SYNPO2: variants seen among roughly 807,000 people sequenced by gnomAD.
The protein encoded by SYNPO2 is synaptopodin 2.
A neutral mutation model predicts 85.0 loss-of-function variants in SYNPO2; 56 were observed. That is an observed-to-expected ratio of 0.66 (90% CI 0.53 to 0.82). The LOEUF is 0.82. SYNPO2 is among the 40% of genes least tolerant of loss of function. The pLI is 0.00. For missense variants in SYNPO2, 1,575 were observed against 1,534.2 expected (o/e 1.03, Z -0.44); for synonymous variants, 602 against 591.1 (o/e 1.02, Z -0.27).
chr4:118,953,297 T>C (rs1734758062), intron 1 of SYNPO2, among the ~76,000 whole-genome samples: 1 of 152,178 alleles, frequency 6.6e-6, no homozygotes, highest in Admixed American at 6.6e-5. Context: ...CACCATTGTT[T>C]TCATGGTTTT....
rs191043750 is a variant in SYNPO2 at position 118,947,149 on chromosome 4, A to G, written c.105+58008A>G. 1.4e-3 allele frequency among the ~76,000 whole-genome samples: 209 copies of G among 152,350 alleles called. 2 individuals are homozygous for G. The highest frequency in any genetic ancestry group is 4.6e-3 in the African/African-American group (191 of 41,578). The stretch of plus-strand genomic sequence containing the variant: ...GTCAGTTGAATTCATCTTAAAGCAT[A>G]TGGAATTCTGTGAAGTTCAGAATTT... On this transcript the variant is annotated intron_variant, in intron 1 of 4. Transcript: ENST00000307142.
chr4:118,900,350 A>T (rs1234740176), intron 1 of SYNPO2, among the ~76,000 whole-genome samples: 1 of 152,164 alleles, frequency 6.6e-6, no homozygotes, highest in East Asian at 1.9e-4. Flanking sequence ...AATTTGGAAC[A>T]TCCATTTATC....
At chr4:118,999,491 G>T (rs1174457895) in intron 1 of SYNPO2, among the ~76,000 whole-genome samples, 1 of 152,118 alleles carries the variant, frequency 6.6e-6, no homozygotes, top group Non-Finnish European at 1.5e-5. Context: ...CTTTTGTAAA[G>T]ATAGTAGAGA....
At chr4:118,872,698 T>C (rs1382850019) in intron 1 of SYNPO2, among the ~76,000 whole-genome samples, 2 of 152,128 alleles carry the variant, frequency 1.3e-5, no homozygotes, top group South Asian at 2.1e-4. Flanking sequence ...TCTTTCCTCA[T>C]TGCACTCTGA....
At chr4:118,856,943 T>C (rs772357855) in intron 1 of SYNPO2, among the ~76,000 whole-genome samples, 2 of 152,162 alleles carry the variant, frequency 1.3e-5, no homozygotes, top group Admixed American at 6.5e-5. Context: ...GTAAAGAATA[T>C]GAATTTACTT....
At chr4:118,990,294 G>T (rs755358375) in intron 1 of SYNPO2, among the ~76,000 whole-genome samples, 2 of 152,198 alleles carry the variant, frequency 1.3e-5, no homozygotes, top group African/African-American at 2.4e-5. Flanking sequence ...ACAAAGAAAC[G>T]TGCAGTGCTG....
chr4:119,031,361 CA>C lies in SYNPO2; in HGVS notation c.2588del (p.Asn863MetfsTer6), dbSNP rs1209101492. On this transcript the variant is annotated frameshift_variant, in exon 4 of 5. Coordinates refer to ENST00000307142, the MANE Select transcript of SYNPO2 (RefSeq NM_133477.3). LOFTEE classifies it high-confidence loss of function. ...TTCAGCCTGGTGCAGTGGGACCATCCAATGAGCTTCCAGGAATGAGTGGGAG... is the reference window on the plus strand; with the variant it reads ...TTCAGCCTGGTGCAGTGGGACCATCCATGAGCTTCCAGGAATGAGTGGGAG... ...AVQPGAVGPS[N>X]ELPGMSGRGA... 1 of 1,614,040 alleles carries C rather than the reference CA, an allele frequency of 6.2e-7. No individual in the cohort carries two copies. The highest frequency in any genetic ancestry group is 8.5e-7 in the Non-Finnish European group (1 of 1,180,048).
chr4:118,939,846 A>T (rs558382788), intron 1 of SYNPO2, among the ~76,000 whole-genome samples: 206 of 152,190 alleles, frequency 1.4e-3, no homozygotes, highest in Non-Finnish European at 2.6e-3. Flanking sequence ...CTCCTTAGAG[A>T]CTCAGTGTTC....
intron 1 of SYNPO2, among the ~76,000 whole-genome samples, chr4:118,927,807 T>TAGATAGATA (rs1225142357): frequency 2.0e-5 from 3 of 151,712 alleles, no homozygotes; most frequent in Non-Finnish European, 4.4e-5. Context: ...GATAGATAGA[T>TAGATAGATA]ATCATTTGAA....
chr4:118,947,645 C>T (rs1384260779), intron 1 of SYNPO2, among the ~76,000 whole-genome samples: 2 of 152,222 alleles, frequency 1.3e-5, no homozygotes, highest in Non-Finnish European at 1.5e-5. Flanking sequence ...AATCATCACA[C>T]TTCTGCTTTA....
intron 1 of SYNPO2, among the ~76,000 whole-genome samples, chr4:118,852,824 G>A (rs1462648521): frequency 6.6e-6 from 1 of 152,024 alleles, no homozygotes; most frequent in East Asian, 1.9e-4. Flanking sequence ...CATTACACAA[G>A]TTTACCTATA....
intron 1 of SYNPO2, among the ~76,000 whole-genome samples, chr4:118,985,167 C>T (rs1736171458): frequency 6.9e-6 from 1 of 144,518 alleles, no homozygotes; most frequent in African/African-American, 2.6e-5. Flanking sequence ...GCTTCAGAGC[C>T]ACTGCTCTAG....
intron 1 of SYNPO2, among the ~76,000 whole-genome samples, chr4:119,018,732 A>G (rs1737609597): frequency 6.6e-6 from 1 of 152,156 alleles, no homozygotes; most frequent in Non-Finnish European, 1.5e-5. Flanking sequence ...AGAAGAAATA[A>G]GATCTGGTGT....
intron 1 of SYNPO2, among the ~76,000 whole-genome samples, chr4:118,998,060 G>T (rs377670031): frequency 6.6e-6 from 1 of 152,336 alleles, no homozygotes; most frequent in South Asian, 2.1e-4. Flanking sequence ...TCTGACGGGG[G>T]TGGTAAGGAT....
Position 119,030,403 on chromosome 4 carries a change from C to T in SYNPO2, c.1628C>T (p.Ser543Leu). The T allele has an allele frequency of 6.2e-7, 1 of 1,614,074 alleles. No homozygotes were observed. ...TCTTACCAAAGAAAGGAGGAAGAGTCGGTAAGAACGCAGAGCTCTGTGAGC... is the reference window on the plus strand; with the variant it reads ...TCTTACCAAAGAAAGGAGGAAGAGTTGGTAAGAACGCAGAGCTCTGTGAGC... ...TTSYQRKEEE[S>L]VRTQSSVSKS... Residue 543 changes from serine (S) to leucine (L), a missense_variant, in exon 4 of 5, where the codon TCG becomes TTG. Transcript: ENST00000307142.
intron 1 of SYNPO2, among the ~76,000 whole-genome samples, chr4:118,909,694 A>G (rs1020422242): frequency 3.3e-5 from 5 of 152,166 alleles, no homozygotes; most frequent in African/African-American, 1.2e-4. Context: ...ATTCCTGTGC[A>G]TGGAGGAGCA....
chr4:119,035,585 G>GT, intron 4 of SYNPO2: 1 of 985,246 alleles, frequency 1.0e-6, no homozygotes, highest in South Asian at 4.7e-5. Context: ...ATTGTTAGTG[G>GT]TAACATATAT....
At chr4:118,973,229 TATTA>T (rs1458298765) in intron 1 of SYNPO2, among the ~76,000 whole-genome samples, 2 of 152,222 alleles carry the variant, frequency 1.3e-5, no homozygotes, top group African/African-American at 4.8e-5. Context: ...ATTATAGAAT[TATTA>T]ATTCAAGGAT....
chr4:118,888,832 C>T (rs1198022261), upstream of SYNPO2: 2 of 598,696 alleles, frequency 3.3e-6, no homozygotes, highest in South Asian at 2.0e-5. Flanking sequence ...CCTCTGCCTC[C>T]TTGAGAATGA....
Sources: gnomAD v4.1 joint callset for allele counts (sites outside exome capture counted in the v4.1 genomes callset) on GRCh38, gnomAD v4.1.1 for gene constraint, MANE v1.5 for transcripts, NCBI Gene and HGNC (gene_info 2026-07-23, HGNC 2026-07-21) for gene names.